Variants in RBFOX1 observed in about 807,000 individuals in gnomAD.
RBFOX1 encodes the protein RNA binding protein fox-1 homolog 1.
Under a neutral mutation model 57.7 loss-of-function variants are expected in RBFOX1, and 8 were observed. That is an observed-to-expected ratio of 0.14 (90% CI 0.08 to 0.25). The LOEUF is 0.25. Among genes scored for constraint, RBFOX1 ranks in the 10% least tolerant of loss-of-function variants. The pLI is 1.00. For synonymous variants in RBFOX1, 326 were observed against 222.4 expected (o/e 1.47, Z -4.15); for missense variants, 611 against 548.5 (o/e 1.11, Z -1.14).
chr16:6,223,947 A>G (rs1027369544), intron 1 of RBFOX1, among the ~76,000 whole-genome samples: 2 of 152,170 alleles, frequency 1.3e-5, no homozygotes, highest in African/African-American at 2.4e-5. Context: ...AGCACTGTTT[A>G]TTAAATAGGG....
intron 3 of RBFOX1, among the ~76,000 whole-genome samples, chr16:5,729,001 G>T (rs1020701376): frequency 6.6e-6 from 1 of 152,158 alleles, no homozygotes; most frequent in South Asian, 2.1e-4. Flanking sequence ...AAATGTCTCC[G>T]CTGACAGGTG....
At chr16:6,049,017 C>A (rs536075635) in intron 1 of RBFOX1, among the ~76,000 whole-genome samples, 1 of 149,752 alleles carries the variant, frequency 6.7e-6, no homozygotes, top group Non-Finnish European at 1.5e-5. Flanking sequence ...CATCCTTGTG[C>A]CATTTTGACG....
intron 1 of RBFOX1, among the ~76,000 whole-genome samples, chr16:6,063,539 C>A (rs912724229): frequency 6.6e-6 from 1 of 151,518 alleles, no homozygotes; most frequent in Non-Finnish European, 1.5e-5. Context: ...ACCTTCCTCA[C>A]TGATCATATT....
chr16:6,071,278 A>T (rs959432922), intron 1 of RBFOX1, among the ~76,000 whole-genome samples: 2 of 152,178 alleles, frequency 1.3e-5, no homozygotes, highest in Non-Finnish European at 2.9e-5. Flanking sequence ...CTGAGATTGC[A>T]CCATTGCACT....
intron 3 of RBFOX1, among the ~76,000 whole-genome samples, chr16:6,814,923 GTTT>G (rs1229606870): frequency 1.3e-5 from 2 of 152,156 alleles, no homozygotes; most frequent in Non-Finnish European, 2.9e-5. Flanking sequence ...ATGAAAGCAA[GTTT>G]TTTAAGAAAA....
At chr16:7,351,836 A>T (rs961197128) in intron 4 of RBFOX1, among the ~76,000 whole-genome samples, 1 of 152,034 alleles carries the variant, frequency 6.6e-6, no homozygotes, top group African/African-American at 2.4e-5. Context: ...CTGCCTCTCA[A>T]TCTTCAGGCC....
intron 4 of RBFOX1, among the ~76,000 whole-genome samples, chr16:7,261,122 T>C (rs138701461): frequency 7.5e-4 from 113 of 151,468 alleles, no homozygotes; most frequent in African/African-American, 2.7e-3. Flanking sequence ...ACTTCCTCTG[T>C]AGGACACATA....
chr16:6,314,154 C>T (rs2080768860), intron 1 of RBFOX1, among the ~76,000 whole-genome samples: 1 of 152,228 alleles, frequency 6.6e-6, no homozygotes, highest in East Asian at 1.9e-4. Context: ...CTCAGAGAAA[C>T]CTCTTTCTGG....
At chr16:5,638,258 C>T (rs976496430) in intron 3 of RBFOX1, among the ~76,000 whole-genome samples, 12 of 152,188 alleles carry the variant, frequency 7.9e-5, no homozygotes, top group African/African-American at 2.9e-4. Context: ...GCCACCCAGA[C>T]AGGTGGAAGA....
At chr16:6,033,419 G>C (rs909183393) in intron 1 of RBFOX1, among the ~76,000 whole-genome samples, 5 of 152,170 alleles carry the variant, frequency 3.3e-5, no homozygotes, top group Non-Finnish European at 7.3e-5. Context: ...GTTTATTAGA[G>C]ACAACTATTT....
chr16:6,176,384 C>T (rs572255723), intron 1 of RBFOX1, among the ~76,000 whole-genome samples: 1 of 145,736 alleles, frequency 6.9e-6, no homozygotes, highest in Non-Finnish European at 1.5e-5. Flanking sequence ...GTCTCAAACT[C>T]CTGACCTCAG....
chr16:7,676,918 T>G, intron 14 of RBFOX1, 80 bp downstream of exon 14: 1 of 1,390,310 alleles, frequency 7.2e-7, no homozygotes, highest in Non-Finnish European at 1.0e-6. Flanking sequence ...TGTATGGTCT[T>G]GGTGAAACTG....
chr16:7,663,884 C>A (rs758447679), intron 12 of RBFOX1, among the ~76,000 whole-genome samples: 5 of 152,194 alleles, frequency 3.3e-5, no homozygotes, highest in Non-Finnish European at 7.3e-5. Context: ...CTCACGACCA[C>A]GTAGCTAAGA....
At chr16:5,900,466 A>T (rs78235442) in intron 4 of RBFOX1, among the ~76,000 whole-genome samples, 5,133 of 152,274 alleles carry the variant, frequency 0.034, 273 homozygotes, top group African/African-American at 0.12. Flanking sequence ...TTCAGTAGAC[A>T]TGAGTAAAGA....
chr16:7,639,085 T>A (rs757780136), intron 11 of RBFOX1, among the ~76,000 whole-genome samples: 5 of 152,130 alleles, frequency 3.3e-5, no homozygotes, highest in Non-Finnish European at 5.9e-5. Flanking sequence ...GATCTTGACT[T>A]AAATTTGATC....
chr16:7,459,645 G>T (rs76421332), intron 4 of RBFOX1, among the ~76,000 whole-genome samples: 4,548 of 152,222 alleles, frequency 0.03, 234 homozygotes, highest in African/African-American at 0.1. Context: ...CTACTATGCT[G>T]TGTCTGTAAA....
In RBFOX1 at chr16:7,534,712, A is replaced by C. The variant is rs190881523; in HGVS notation, c.270+16323A>C. ...GGGGAATGACAGGTTTCCTTTTCAC[A>C]GTAAGGGTTCCTAGGATAGGAGACT... On this transcript the variant is annotated intron_variant, in intron 5 of 15. Transcript: ENST00000550418. Among the ~76,000 whole-genome samples the C allele has an allele frequency of 7.2e-5, 11 of 152,284 alleles. No homozygotes were observed. In the East Asian group the frequency reaches 1.9e-3, roughly 27 times the overall value.
At chr16:5,619,979 G>C (rs1266070426) in intron 3 of RBFOX1, among the ~76,000 whole-genome samples, 1 of 139,430 alleles carries the variant, frequency 7.2e-6, no homozygotes, top group Non-Finnish European at 1.5e-5. Flanking sequence ...AAATTCCTAG[G>C]ATGCATTAAA....
At chr16:5,524,216 CTG>C (rs1262874703) in intron 2 of RBFOX1, among the ~76,000 whole-genome samples, 1 of 152,200 alleles carries the variant, frequency 6.6e-6, no homozygotes, top group East Asian at 1.9e-4. Flanking sequence ...CTTCCTGAGA[CTG>C]TGCTCTACGT....
Sources: gnomAD v4.1 joint callset for allele counts (sites outside exome capture counted in the v4.1 genomes callset) on GRCh38, gnomAD v4.1.1 for gene constraint, MANE v1.5 for transcripts, NCBI Gene and HGNC (gene_info 2026-07-23, HGNC 2026-07-21) for gene names.